Variants in SEC22C observed in about 807,000 individuals in gnomAD.
The protein encoded by SEC22C is SEC22 homolog C, vesicle trafficking protein, also known as vesicle-trafficking protein SEC22c.
SEC22C carries 29 observed loss-of-function variants against 34.7 expected under a neutral mutation model. The ratio of observed to expected loss-of-function variants is 0.84; its 90% CI spans 0.62 to 1.14. The LOEUF (loss-of-function observed/expected upper bound fraction) is 1.14. Ranked by LOEUF, SEC22C falls within the 50% of genes most tolerant of loss-of-function variation. The probability of loss-of-function intolerance (pLI) is 0.00; values close to 1 mark genes in which losing one functional copy is unlikely to be tolerated. For synonymous variants in SEC22C, 117 were observed against 132.8 expected, an observed-to-expected ratio of 0.88 and a Z score of 0.82; for missense variants, 337 against 369.0, an observed-to-expected ratio of 0.91 and a Z score of 0.71.
Position 42,548,586 on chromosome 3 carries a change from C to G in SEC22C, c.*4662G>C. The G allele has an allele frequency of 1.9e-6, 3 of 1,612,748 alleles. No homozygotes were observed. The highest frequency in any genetic ancestry group is 2.5e-6 in the Non-Finnish European group (3 of 1,179,492). On this transcript the variant is annotated 3_prime_UTR_variant, in exon 7 of 7. Transcript: ENST00000264454. The stretch of plus-strand genomic sequence containing the variant: ...CTGCTCCCGGATGGGAGAATCAGAG[C>G]TCTCCTCATTTGGGTCAGGGGTGGC...
chr3:42,577,959 A>G (rs1704071265), intron 1 of SEC22C, among the ~76,000 whole-genome samples: 1 of 152,022 alleles, frequency 6.6e-6, no homozygotes, highest in African/African-American at 2.4e-5. Flanking sequence ...AACAGAATGA[A>G]ATTTCATCTC....
chr3:42,564,550 T>C (rs1703118703), intron 2 of SEC22C: 1 of 152,256 alleles, frequency 6.6e-6, no homozygotes, highest in Non-Finnish European at 1.5e-5. Flanking sequence ...TAGGAATTCC[T>C]AGACTTTGGG....
chr3:42,562,465 G>A (rs1008965355), intron 3 of SEC22C, among the ~76,000 whole-genome samples: 3 of 152,204 alleles, frequency 2.0e-5, no homozygotes, highest in Admixed American at 1.3e-4. Flanking sequence ...TACCAGGCTG[G>A]AGCCTGCCTA....
Position 42,549,929 on chromosome 3 carries a change from G to C in SEC22C, c.*3319C>G, listed in dbSNP as rs907467226. ...GGTCACATGCCTCCAGCTGCAGGCA[G>C]TGGGGCCTCTGGTACTGAGAGGGAA... On this transcript the variant is annotated 3_prime_UTR_variant, in exon 7 of 7. Coordinates refer to ENST00000264454, the MANE Select transcript of SEC22C (RefSeq NM_032970.4). The C allele has an allele frequency of 2.0e-6, 2 of 985,374 alleles. No individual in the cohort carries two copies. Among genetic ancestry groups the C allele is most frequent in the African/African-American group, 3.5e-5 (2 of 57,258 alleles). 61.0% of individuals were successfully genotyped at this position (985,374 alleles called of 1,614,324 possible). A position where few individuals can be genotyped will look rare whatever the true frequency, so the allele number is the denominator to read the frequency against.
chr3:42,557,790 AG>A, intron 4 of SEC22C, 94 bp from the exon 5 acceptor site: 1 of 628,298 alleles, frequency 1.6e-6, no homozygotes, highest in South Asian at 2.1e-5. Context: ...CACTAATGAT[AG>A]GTTCACTATG....
rs2241542 is a variant in SEC22C at position 42,550,451 on chromosome 3, G to A, written c.*2797C>T. 0.024 allele frequency: 23,827 copies of A among 985,396 alleles called. 524 individuals are homozygous for A. The highest frequency in any genetic ancestry group is 0.12 in the East Asian group (1,042 of 8,806). The allele number at this position is 985,396 out of a possible 1,614,324, so 61.0% of individuals were successfully genotyped here. On this transcript the variant is annotated 3_prime_UTR_variant, in exon 7 of 7. Coordinates refer to ENST00000264454, the MANE Select transcript of SEC22C (RefSeq NM_032970.4). ...CCTGAACCAAGTCAAACCTAAGCCT[G>A]GGGATTTCCCTCGGATGAAATCACC...
intron 3 of SEC22C, among the ~76,000 whole-genome samples, chr3:42,562,511 C>T (rs185575147): frequency 6.6e-6 from 1 of 152,330 alleles, no homozygotes; most frequent in East Asian, 1.9e-4. Context: ...TAGCCCCATT[C>T]CTGATGGGCT....
At chr3:42,569,106 C>T (rs1187157257) in intron 1 of SEC22C, 33 bp from the exon 2 acceptor site, 10 of 1,453,592 alleles carry the variant, frequency 6.9e-6, no homozygotes, top group Admixed American at 3.8e-5. Flanking sequence ...GTTACTGAGG[C>T]TCAAATGACA....
chr3:42,555,547 C>A (rs1702485248), intron 6 of SEC22C, among the ~76,000 whole-genome samples: 2 of 152,192 alleles, frequency 1.3e-5, no homozygotes, highest in South Asian at 4.1e-4. Context: ...AAGGACATTT[C>A]TGTGCTTGGA....
At chr3:42,595,912 T>TA (rs1333754280) in intron 1 of SEC22C, among the ~76,000 whole-genome samples, 1 of 151,620 alleles carries the variant, frequency 6.6e-6, no homozygotes, top group Non-Finnish European at 1.5e-5. Flanking sequence ...GTTGTGAGAC[T>TA]GAGATAACGT....
At chr3:42,597,675 C>T (rs1705068816) in intron 1 of SEC22C, among the ~76,000 whole-genome samples, 1 of 152,078 alleles carries the variant, frequency 6.6e-6, no homozygotes, top group African/African-American at 2.4e-5. Flanking sequence ...GGGTGCAGCC[C>T]AACACAAACT....
At chr3:42,564,167 T>C in intron 2 of SEC22C, 1 of 309,100 alleles carries the variant, frequency 3.2e-6, no homozygotes, top group Non-Finnish European at 6.2e-6. Context: ...AAGACTGGCC[T>C]ATAATTTTCC....
In SEC22C at chr3:42,599,159, G is replaced by A. The variant is rs1026769913; in HGVS notation, c.-28+1801C>T. On this transcript the variant is annotated intron_variant, in intron 1 of 6. Transcript: ENST00000417572. ...TTTTTGTATTTTTAGTAGAGAAAGG[G>A]TTTCACCGTGTTAGCCAGGATGGTC... Among the ~76,000 whole-genome samples the A allele has an allele frequency of 2.1e-4, 32 of 150,990 alleles. 1 individual carries two copies. The highest frequency in any genetic ancestry group is 7.8e-4 in the African/African-American group (32 of 41,182).
chr3:42,600,235 C>A (rs1239792443), intron 1 of SEC22C, among the ~76,000 whole-genome samples: 1 of 152,144 alleles, frequency 6.6e-6, no homozygotes, highest in Non-Finnish European at 1.5e-5. Flanking sequence ...ATTCTTCAGC[C>A]TAAAAGACCT....
At chr3:42,597,640 G>A (rs1705067854) in intron 1 of SEC22C, among the ~76,000 whole-genome samples, 1 of 152,000 alleles carries the variant, frequency 6.6e-6, no homozygotes, top group Non-Finnish European at 1.5e-5. Flanking sequence ...CCACCCAGGG[G>A]CCACATGTGG....
intron 4 of SEC22C, among the ~76,000 whole-genome samples, chr3:42,560,180 A>T (rs920136950): frequency 2.4e-3 from 349 of 145,100 alleles, no homozygotes; most frequent in Middle Eastern, 3.6e-3. Flanking sequence ...TTTTATATAT[A>T]ATATATATAT....
rs528971434 is a variant in SEC22C at position 42,577,768 on chromosome 3, G to A, written c.-28+4078C>T. Among the ~76,000 whole-genome samples the A allele has an allele frequency of 2.0e-5, 3 of 152,204 alleles. No individual in the cohort carries two copies. In the East Asian group the frequency reaches 5.8e-4, roughly 29 times the overall value. ...GTGGATCACCTGAGGTTAAGGGTTC[G>A]AGACCAGCCTGGCCAACACGGTGAA... On this transcript the variant is annotated intron_variant, in intron 1 of 6. Transcript: ENST00000264454.
chr3:42,592,911 C>T (rs537230383), intron 1 of SEC22C, among the ~76,000 whole-genome samples: 1 of 148,956 alleles, frequency 6.7e-6, no homozygotes, highest in Admixed American at 6.6e-5. Flanking sequence ...AATGTTTTGT[C>T]CCTTCTTGAA....
At chr3:42,585,703 A>C (rs2125735737), upstream of SEC22C, among the ~76,000 whole-genome samples, 1 of 152,354 alleles carries the variant, frequency 6.6e-6, no homozygotes. Context: ...CCCATCTGGC[A>C]GCACTACAAT....
Sources: allele counts gnomAD v4.1 joint callset (sites outside exome capture counted in the v4.1 genomes callset), GRCh38; gene constraint gnomAD v4.1.1; transcripts MANE v1.5; gene names NCBI Gene and HGNC (gene_info 2026-07-23, HGNC 2026-07-21).